Variants in SCN3A observed in about 807,000 individuals in gnomAD.
The protein encoded by SCN3A is sodium voltage-gated channel alpha subunit 3, also known as sodium channel protein type 3 subunit alpha.
A neutral mutation model predicts 187.6 loss-of-function variants in SCN3A; 60 were observed. That is an observed-to-expected ratio of 0.32 (90% CI 0.26 to 0.40). The LOEUF (loss-of-function observed/expected upper bound fraction) is 0.40. Ranked by LOEUF, SCN3A falls within the 10% of genes least tolerant of loss-of-function variation. SCN3A has a pLI of 1.00. For synonymous variants in SCN3A, 788 were observed against 829.2 expected (o/e 0.95, Z 0.85); for missense variants, 1,601 against 2,428.2 (o/e 0.66, Z 7.16).
intron 15 of SCN3A, among the ~76,000 whole-genome samples, chr2:165,134,965 C>T (rs1486037835): frequency 1.3e-5 from 2 of 151,866 alleles, no homozygotes; most frequent in East Asian, 1.9e-4. Context: ...AATGTAATCC[C>T]GCCATAAAAC....
intron 21 of SCN3A, among the ~76,000 whole-genome samples, chr2:165,110,898 A>G (rs904775101): frequency 6.6e-6 from 1 of 152,244 alleles, no homozygotes; most frequent in African/African-American, 2.4e-5. Flanking sequence ...GGATAAAAAC[A>G]TGATGGAAAA....
rs1686188132 is a variant in SCN3A at position 165,112,894 on chromosome 2, C to T, written c.3834G>A (p.Leu1278=). 2.5e-6 allele frequency: 4 copies of T among 1,613,076 alleles called. No homozygotes were observed. Among genetic ancestry groups the T allele is most frequent in the Non-Finnish European group, 3.4e-6 (4 of 1,179,570 alleles). The change falls in exon 21 of 28, where the codon TTG becomes TTA. Residue 1278 remains leucine (L), a synonymous_variant. Coordinates refer to ENST00000283254, the MANE Select transcript of SCN3A (RefSeq NM_006922.4). ...FTNAWCWLDF[L]IVDVSLVSLV... Reference sequence around the variant, plus strand: ...CACTTAAAATACTTACATCAACGATCAAGAAATCTAGCCAGCACCAGGCAT... The same window carrying T: ...CACTTAAAATACTTACATCAACGATTAAGAAATCTAGCCAGCACCAGGCAT...
intron 1 of SCN3A, among the ~76,000 whole-genome samples, chr2:165,200,799 G>GT (rs917239107): frequency 3.3e-5 from 5 of 152,066 alleles, no homozygotes; most frequent in African/African-American, 1.2e-4. Flanking sequence ...AAAGACCCCA[G>GT]TAGCACACAG....
In SCN3A at chr2:165,092,714, A is replaced by G; in HGVS notation, c.4537-190T>C. The G allele has an allele frequency of 1.6e-6, 1 of 607,452 alleles. No homozygotes were observed. Among genetic ancestry groups the G allele is most frequent in the South Asian group, 2.1e-5 (1 of 48,232 alleles). The allele number at this position is 607,452 out of a possible 1,614,324, so 37.6% of individuals were successfully genotyped here. ...GGAAAAAAAATTTATATAGCTAAAC[A>G]AAGCATATTTGGTTTATATAGGTCC... On this transcript the variant is annotated intron_variant, in intron 26 of 27. Transcript: ENST00000283254. This position sits in a 1 kb window ranked among gnomAD's most constrained non-coding sequence, Gnocchi z 4.2.
At position 165,175,290 on chromosome 2, in the gene SCN3A, A is replaced by T. The variant is rs79107100; in HGVS notation, c.264+841T>A. Among the ~76,000 whole-genome samples, 921 of 152,294 alleles carry T rather than the reference A, an allele frequency of 6.0e-3. 7 individuals carry two copies. Among genetic ancestry groups the T allele is most frequent in the African/African-American group, 0.021 (878 of 41,578 alleles). The stretch of plus-strand genomic sequence containing the variant: ...AGTGTAAAATATAAATCGTGGTTAT[A>T]AAATGCCTTAATATCCAATTAGAAA... On this transcript the variant is annotated intron_variant, in intron 3 of 27. Coordinates refer to ENST00000283254, the MANE Select transcript of SCN3A (RefSeq NM_006922.4).
intron 9 of SCN3A, among the ~76,000 whole-genome samples, chr2:165,157,692 C>A (rs7572701): frequency 0.23 from 34,483 of 152,012 alleles, 5,112 homozygotes; most frequent in East Asian, 0.52. Flanking sequence ...AAGTATATAC[C>A]AAAATTATTT....
intron 23 of SCN3A, 144 bp downstream of exon 23, chr2:165,097,108 C>A: frequency 1.3e-6 from 1 of 748,664 alleles, no homozygotes; most frequent in Non-Finnish European, 2.1e-6. Flanking sequence ...TTTTTATGAT[C>A]AATTCAAGCT....
In SCN3A at chr2:165,091,001, T is replaced by C. The variant is rs764222987; in HGVS notation, c.5152A>G (p.Ile1718Val). The part of the protein sequence containing the change: ...SAGWDGLLAP[I>V]LNSAPPDCDP... Reference sequence around the variant, plus strand: ...CAGTCGGGTGGTGCACTATTAAGAATAGGTGCTAGCAATCCATCCCAGCCA... The same window carrying C: ...CAGTCGGGTGGTGCACTATTAAGAACAGGTGCTAGCAATCCATCCCAGCCA... The change falls in exon 28 of 28, where the codon ATT (isoleucine) becomes GTT (valine). Residue 1718 changes from isoleucine (I) to valine (V), a missense_variant. Ile to Val is a conservative substitution (Grantham distance 29). Coordinates refer to ENST00000283254, the MANE Select transcript of SCN3A (RefSeq NM_006922.4). 1.2e-6 allele frequency: 2 copies of C among 1,614,084 alleles called. No homozygotes were observed. Among genetic ancestry groups the C allele is most frequent in the Admixed American group, 1.7e-5 (1 of 60,004 alleles).
intron 21 of SCN3A, among the ~76,000 whole-genome samples, chr2:165,105,128 T>C (rs926514162): frequency 5.3e-5 from 8 of 152,166 alleles, no homozygotes; most frequent in African/African-American, 1.9e-4. Flanking sequence ...AAAACAGAAC[T>C]GATTAAAATT....
At chr2:165,115,353 C>T (rs1574134232) in intron 19 of SCN3A, 102 bp downstream of exon 19, 1 of 1,509,890 alleles carries the variant, frequency 6.6e-7, no homozygotes, top group East Asian at 2.3e-5. Context: ...AGGCATAAGC[C>T]ACCACACCTC....
chr2:165,135,944 C>T (rs1687636256), intron 15 of SCN3A, among the ~76,000 whole-genome samples: 1 of 152,134 alleles, frequency 6.6e-6, no homozygotes, highest in African/African-American at 2.4e-5. Context: ...TACCAGGCAT[C>T]AGTCTCCCAT....
chr2:165,115,759 A>G (rs568267678), intron 18 of SCN3A, among the ~76,000 whole-genome samples, 184 bp from the exon 19 acceptor site: 1 of 152,310 alleles, frequency 6.6e-6, no homozygotes, highest in East Asian at 1.9e-4. Context: ...TAACGTGACT[A>G]CTGACCTGAA....
intron 21 of SCN3A, among the ~76,000 whole-genome samples, chr2:165,106,692 A>G (rs940004271): frequency 6.6e-6 from 1 of 152,232 alleles, no homozygotes; most frequent in African/African-American, 2.4e-5. Flanking sequence ...TTTATAGCTC[A>G]GTTAAGGTTG....
chr2:165,090,346 A>G lies in SCN3A; in HGVS notation c.5807T>C (p.Ile1936Thr). ...NYNKEAIKGR[I>T]DLPIKQDMII... ...CATGTCTTGTTTTATAGGTAAGTCAATCCTCCCTTTAATTGCCTCTTTGTT... is the reference window on the plus strand; with the variant it reads ...CATGTCTTGTTTTATAGGTAAGTCAGTCCTCCCTTTAATTGCCTCTTTGTT... The change falls in exon 28 of 28, where the codon ATT becomes ACT. Residue 1936 changes from isoleucine (I) to threonine (T), a missense_variant. Ile to Thr is a moderately conservative substitution (Grantham distance 89). Coordinates refer to ENST00000283254, the MANE Select transcript of SCN3A (RefSeq NM_006922.4). This position sits in a 1 kb window ranked among gnomAD's most constrained non-coding sequence, Gnocchi z 4.0. The G allele has an allele frequency of 6.2e-7, 1 of 1,613,250 alleles. No homozygotes were observed. The highest frequency in any genetic ancestry group is 8.5e-7 in the Non-Finnish European group (1 of 1,179,366).
At chr2:165,094,032 G>A in intron 26 of SCN3A, 2 of 325,978 alleles carry the variant, frequency 6.1e-6, no homozygotes, top group Non-Finnish European at 1.1e-5. Context: ...GGAGCAGAGA[G>A]TATAGAGGGA....
At position 165,092,637 on chromosome 2, in the gene SCN3A, T is replaced by C. The variant is rs1685163185; in HGVS notation, c.4537-113A>G. 2 of 948,806 alleles carry C rather than the reference T, an allele frequency of 2.1e-6. No homozygotes were observed. Among genetic ancestry groups the C allele is most frequent in the African/African-American group, 3.4e-5 (2 of 59,690 alleles). The allele number at this position is 948,806 out of a possible 1,614,324, so 58.8% of individuals were successfully genotyped here. On this transcript the variant is annotated intron_variant, in intron 26 of 27. Coordinates refer to ENST00000283254, the MANE Select transcript of SCN3A (RefSeq NM_006922.4). This position sits in a 1 kb window ranked among gnomAD's most constrained non-coding sequence, Gnocchi z 4.2. ...ACGGGATGGATGTGCACCCTCCTCA[T>C]ATTACCCCAAACAATTTTGTGTGCT...
chr2:165,097,767 C>G (rs1322046730), intron 22 of SCN3A, among the ~76,000 whole-genome samples: 2 of 151,864 alleles, frequency 1.3e-5, no homozygotes, highest in Non-Finnish European at 2.9e-5. Context: ...CATTAAAAAC[C>G]TGGTATAGTA....
chr2:165,183,409 T>C (rs1691015130), intron 2 of SCN3A, among the ~76,000 whole-genome samples: 1 of 152,166 alleles, frequency 6.6e-6, no homozygotes, highest in South Asian at 2.1e-4. Context: ...TACAGAAAAA[T>C]AGATTTGACT....
At chr2:165,115,021 C>A (rs926135575) in intron 19 of SCN3A, among the ~76,000 whole-genome samples, 1 of 152,050 alleles carries the variant, frequency 6.6e-6, no homozygotes, top group Non-Finnish European at 1.5e-5. Context: ...CATGCCTTCA[C>A]TATTTATTTT....
Sources: gnomAD v4.1 joint callset for allele counts (sites outside exome capture counted in the v4.1 genomes callset) on GRCh38, gnomAD v4.1.1 for gene constraint, Gnocchi (gnomAD v3.1) non-coding constraint, MANE v1.5 for transcripts, NCBI Gene and HGNC (gene_info 2026-07-23, HGNC 2026-07-21) for gene names.